Variants in GOLGA6L10 observed in about 807,000 individuals in gnomAD.
The protein encoded by GOLGA6L10 is golgin subfamily A member 6-like protein 10.
Under a neutral mutation model 56.9 loss-of-function variants are expected in GOLGA6L10, and 4 were observed. The ratio of observed to expected loss-of-function variants is 0.07; its 90% CI spans 0.03 to 0.16. GOLGA6L10 has a LOEUF of 0.16. Ranked by LOEUF, GOLGA6L10 falls within the 10% of genes least tolerant of loss-of-function variation. The pLI is 1.00. For synonymous variants in GOLGA6L10, 11 were observed against 220.9 expected (o/e 0.05, Z 8.43); for missense variants, 34 against 558.3 (o/e 0.06, Z 9.46).
intron 1 of GOLGA6L10, among the ~76,000 whole-genome samples, chr15:82,348,198 G>A (rs1298559112): frequency 6.6e-6 from 1 of 152,150 alleles, no homozygotes; most frequent in African/African-American, 2.4e-5. Flanking sequence ...AGAGAATCAA[G>A]GGAAAATGAT....
chr15:82,340,129 T>A lies in GOLGA6L10; in HGVS notation c.*2647A>T, dbSNP rs2075634619. On this transcript the variant is annotated 3_prime_UTR_variant, in exon 9 of 9. Transcript: ENST00000610657. ...CATTCTGTGTATAAGAATTCATAAA[T>A]CGGTAAAAGTCGTTCTAAGAAAACT... 1 of 151,446 alleles carries A rather than the reference T, an allele frequency of 6.6e-6. No homozygotes were observed. Among genetic ancestry groups the A allele is most frequent in the Non-Finnish European group, 1.5e-5 (1 of 67,670 alleles). 9.4% of individuals were successfully genotyped at this position (151,446 alleles called of 1,614,324 possible).
chr15:82,340,407 GT>G lies in GOLGA6L10; in HGVS notation c.*2368del, dbSNP rs1261081195. 1 of 151,378 alleles carries G rather than the reference GT, an allele frequency of 6.6e-6. No individual in the cohort carries two copies. Among genetic ancestry groups the G allele is most frequent in the Non-Finnish European group, 1.5e-5 (1 of 67,776 alleles). The allele number at this position is 151,378 out of a possible 1,614,324, so 9.4% of individuals were successfully genotyped here. On this transcript the variant is annotated 3_prime_UTR_variant, in exon 9 of 9. Transcript: ENST00000610657. ...ATCAGCTTTGGTTTTAGAACTGATT[GT>G]TTTTCATTTCAGGAAAACCTATCAG...
At position 82,340,469 on chromosome 15, in the gene GOLGA6L10, T is replaced by A. The variant is rs1466153804; in HGVS notation, c.*2307A>T. The A allele has an allele frequency of 6.6e-6, 1 of 151,374 alleles. No homozygotes were observed. The highest frequency in any genetic ancestry group is 6.6e-5 in the Admixed American group (1 of 15,046). The allele number at this position is 151,374 out of a possible 1,614,324, so 9.4% of individuals were successfully genotyped here. ...TTACTTTAAAAATAATTATCATATA[T>A]TGCAGTCTTTAAATAGGTATTTTGA... On this transcript the variant is annotated 3_prime_UTR_variant, in exon 9 of 9. Transcript: ENST00000610657.
intron 7 of GOLGA6L10, among the ~76,000 whole-genome samples, chr15:82,343,752 C>T (rs1412363346): frequency 3.3e-5 from 5 of 152,152 alleles, no homozygotes; most frequent in African/African-American, 1.2e-4. Context: ...CAACCTTCAT[C>T]TCCCGGGCTC....
intron 7 of GOLGA6L10, 59 bp from the exon 8 acceptor site, chr15:82,343,279 A>G (rs2075654001): frequency 6.5e-7 from 1 of 1,547,484 alleles, no homozygotes; most frequent in African/African-American, 1.4e-5. Context: ...TTCCTGGCCC[A>G]TTAATAGGGT....
At chr15:82,347,989 G>T (rs2075697897) in intron 1 of GOLGA6L10, among the ~76,000 whole-genome samples, 1 of 152,162 alleles carries the variant, frequency 6.6e-6, no homozygotes, top group Non-Finnish European at 1.5e-5. Context: ...ATCCTCACAG[G>T]TCTGCTAGCG....
Position 82,340,032 on chromosome 15 carries a change from T to C in GOLGA6L10, c.*2744A>G, listed in dbSNP as rs1198829636. Reference sequence around the variant, plus strand: ...AGCACCTTGAAACAATCTAATAATTTATTACATTACAGTAGCATCACAGAA... The same window carrying C: ...AGCACCTTGAAACAATCTAATAATTCATTACATTACAGTAGCATCACAGAA... On this transcript the variant is annotated 3_prime_UTR_variant, in exon 9 of 9. Transcript: ENST00000610657. 0.033 allele frequency: 4,928 copies of C among 149,632 alleles called. 2 individuals carry two copies. Among genetic ancestry groups the C allele is most frequent in the African/African-American group, 0.048 (1,931 of 40,648 alleles). 9.3% of individuals were successfully genotyped at this position (149,632 alleles called of 1,614,324 possible).
chr15:82,342,215 T>C lies in GOLGA6L10; in HGVS notation c.*561A>G, dbSNP rs1214991705. ...CTCACAGTGGCATATTACAAAGTAA[T>C]AGACCGCGCACTTGAGGGCAAACCA... is the stretch of plus-strand genomic sequence containing the variant. On this transcript the variant is annotated 3_prime_UTR_variant, in exon 9 of 9. Transcript: ENST00000610657. The C allele has an allele frequency of 3.2e-5, 6 of 188,346 alleles. No homozygotes were observed. The highest frequency in any genetic ancestry group is 1.1e-4 in the Admixed American group (2 of 18,310). 11.7% of individuals were successfully genotyped at this position (188,346 alleles called of 1,614,324 possible).
chr15:82,348,009 G>A (rs1299693912), intron 1 of GOLGA6L10, among the ~76,000 whole-genome samples: 13 of 152,148 alleles, frequency 8.5e-5, no homozygotes, highest in South Asian at 6.2e-4. Flanking sequence ...GTGAAGAAGC[G>A]TACCAGTACC....
chr15:82,345,558 A>C, intron 5 of GOLGA6L10, 132 bp from the exon 6 acceptor site: 1 of 1,491,726 alleles, frequency 6.7e-7, no homozygotes, highest in Admixed American at 2.4e-5. Context: ...TCACACCCGG[A>C]TGGTAGACAA....
rs1392953102 is a variant in GOLGA6L10, at chr15:82,347,815, A to C, written c.85-186T>G. ...TCATGGATAGAAAAAAAAAAAAAGAAAGATCAAAAAAGGCAATACTGGAAC... is the reference window on the plus strand; with the variant it reads ...TCATGGATAGAAAAAAAAAAAAAGACAGATCAAAAAAGGCAATACTGGAAC... On this transcript the variant is annotated intron_variant, in intron 1 of 8. Coordinates refer to ENST00000610657, the MANE Select transcript of GOLGA6L10 (RefSeq NM_001164465.3). 5.8e-3 allele frequency among the ~76,000 whole-genome samples: 882 copies of C among 151,778 alleles called. 6 individuals carry two copies. The highest frequency in any genetic ancestry group is 0.021 in the African/African-American group (854 of 41,006).
Position 82,344,960 on chromosome 15 carries a change from ACGTAGCCTCTCCTCCTGTT to A in GOLGA6L10, c.881_899del (p.Glu294ValfsTer41). 3.5e-5 allele frequency: 35 copies of A among 988,198 alleles called. No individual in the cohort carries two copies. In the African/African-American group the frequency reaches 8.4e-4, roughly 24 times the overall value. The allele number at this position is 988,198 out of a possible 1,614,324, so 61.2% of individuals were successfully genotyped here. A position where few individuals can be genotyped will look rare whatever the true frequency, so the allele number is the denominator to read the frequency against. On this transcript the variant is annotated frameshift_variant, in exon 6 of 9. Transcript: ENST00000610657. LOFTEE classifies it high-confidence loss of function. ...GTTCACATAGCCTCTCCTCCTGTTC[ACGTAGCCTCTCCTCCTGTT>A]CACACAGCCTCTCCTCCTGTTCACA...
At chr15:82,347,926 A>T (rs2075697503) in intron 1 of GOLGA6L10, among the ~76,000 whole-genome samples, 1 of 152,300 alleles carries the variant, frequency 6.6e-6, no homozygotes, top group Non-Finnish European at 1.5e-5. Context: ...CAGAGGTAGA[A>T]AAGCACACAT....
Position 82,347,869 on chromosome 15 carries a change from T to G in GOLGA6L10, c.85-240A>C, listed in dbSNP as rs1448252292. ...AACTCAGTCCTCTGACTCCACGCTC[T>G]GGGGTTTTGCCATGAATCAGCAGCT... On this transcript the variant is annotated intron_variant, in intron 1 of 8. Transcript: ENST00000610657. Among the ~76,000 whole-genome samples the G allele has an allele frequency of 2.0e-5, 3 of 152,144 alleles. No individual in the cohort carries two copies. The South Asian group carries it at 6.2e-4, about 32-fold the overall frequency.
In GOLGA6L10 at chr15:82,342,631, T is replaced by C; in HGVS notation, c.*145A>G. On this transcript the variant is annotated 3_prime_UTR_variant, in exon 9 of 9. Transcript: ENST00000610657. ...ACACAAATAAATTTAAATTATAAAT[T>C]AGAAACACAAATAAATTTAAACTAT... The C allele has an allele frequency of 7.0e-7, 1 of 1,418,632 alleles. No individual in the cohort carries two copies. Among genetic ancestry groups the C allele is most frequent in the Non-Finnish European group, 9.3e-7 (1 of 1,074,594 alleles). The allele number at this position is 1,418,632 out of a possible 1,614,324, so 87.9% of individuals were successfully genotyped here.
Position 82,344,707 on chromosome 15 carries a change from G to GC in GOLGA6L10, c.1152dup (p.Arg385AlafsTer64). 6.4e-7 allele frequency: 1 copy of GC among 1,562,014 alleles called. No individual in the cohort carries two copies. The highest frequency in any genetic ancestry group is 8.6e-7 in the Non-Finnish European group (1 of 1,163,056). ...AGCTCCCGCAGCCTCTCCAGCTCCC[G>GC]CAGAGTCTCCTGCTGCCACAGCCTC... is the stretch of plus-strand genomic sequence containing the variant. On this transcript the variant is annotated frameshift_variant, in exon 6 of 9. Coordinates refer to ENST00000610657, the MANE Select transcript of GOLGA6L10 (RefSeq NM_001164465.3). LOFTEE classifies it high-confidence loss of function.
chr15:82,342,960 G>T (rs1483673699), intron 8 of GOLGA6L10, 52 bp from the exon 9 acceptor site: 1 of 1,597,644 alleles, frequency 6.3e-7, no homozygotes, highest in Admixed American at 1.7e-5. Flanking sequence ...GGTTGTCATG[G>T]GGGAGAACCC....
chr15:82,347,491 C>T lies in GOLGA6L10; in HGVS notation c.204+19G>A, dbSNP rs1227161335. 1 of 1,608,008 alleles carries T rather than the reference C, an allele frequency of 6.2e-7. No individual in the cohort carries two copies. The highest frequency in any genetic ancestry group is 8.5e-7 in the Non-Finnish European group (1 of 1,179,764). On this transcript the variant is annotated intron_variant, in intron 2 of 8. Coordinates refer to ENST00000610657, the MANE Select transcript of GOLGA6L10 (RefSeq NM_001164465.3). Reference sequence around the variant, plus strand: ...CCTTGGGCCCCCTGTCCCCAGGAGCCTGGCCCGCCGAGACTCACATCCCCA... The same window carrying T: ...CCTTGGGCCCCCTGTCCCCAGGAGCTTGGCCCGCCGAGACTCACATCCCCA...
Position 82,341,015 on chromosome 15 carries a change from C to T in GOLGA6L10, c.*1761G>A, listed in dbSNP as rs1417824331. 6.6e-6 allele frequency: 1 copy of T among 151,822 alleles called. No individual in the cohort carries two copies. Among genetic ancestry groups the T allele is most frequent in the Non-Finnish European group, 1.5e-5 (1 of 67,944 alleles). 9.4% of individuals were successfully genotyped at this position (151,822 alleles called of 1,614,324 possible). The stretch of plus-strand genomic sequence containing the variant: ...ATAAGCTCAGTTTCAGAATGATAAA[C>T]AAAAACTGTTAGACCAAATAACGTG... On this transcript the variant is annotated 3_prime_UTR_variant, in exon 9 of 9. Transcript: ENST00000610657.
Sources: gnomAD v4.1 joint callset for allele counts (sites outside exome capture counted in the v4.1 genomes callset) on GRCh38, gnomAD v4.1.1 for gene constraint, MANE v1.5 for transcripts, NCBI Gene and HGNC (gene_info 2026-07-23, HGNC 2026-07-21) for gene names.